Variants in ATXN1 observed in about 807,000 individuals in gnomAD.
ATXN1 encodes the protein ataxin 1, also known as ataxin-1.
A neutral mutation model predicts 56.4 loss-of-function variants in ATXN1; 8 were observed. That is an observed-to-expected ratio of 0.14 (90% confidence interval 0.08 to 0.26). The LOEUF (loss-of-function observed/expected upper bound fraction) is 0.26. ATXN1 is among the 10% of genes least tolerant of loss of function. ATXN1 has a pLI of 1.00. For synonymous variants in ATXN1, 514 were observed against 494.6 expected, an observed-to-expected ratio of 1.04 and a Z score of -0.52; for missense variants, 987 against 1,106.5, an observed-to-expected ratio of 0.89 and a Z score of 1.53.
At chr6:16,646,789 G>A (rs746542678) in intron 3 of ATXN1, among the ~76,000 whole-genome samples, 11 of 152,158 alleles carry the variant, frequency 7.2e-5, no homozygotes, top group East Asian at 1.9e-4. Flanking sequence ...GCATTGCTTC[G>A]CCTTCCCTAG....
chr6:16,702,429 C>T (rs370195020), intron 2 of ATXN1, among the ~76,000 whole-genome samples: 2 of 151,966 alleles, frequency 1.3e-5, no homozygotes, highest in South Asian at 2.1e-4. Context: ...GCATGGGCAA[C>T]GACTTCATGT....
chr6:16,389,197 C>T (rs750291202), intron 6 of ATXN1, among the ~76,000 whole-genome samples: 10 of 152,008 alleles, frequency 6.6e-5, no homozygotes, highest in Admixed American at 2.6e-4. Flanking sequence ...ATTAGCCGGG[C>T]GTGGTGGCAC....
intron 3 of ATXN1, among the ~76,000 whole-genome samples, chr6:16,627,752 A>G (rs1196776597): frequency 6.6e-6 from 1 of 152,112 alleles, no homozygotes; most frequent in Non-Finnish European, 1.5e-5. Context: ...ACAAAAAAAC[A>G]GGATCCTCTC....
intron 2 of ATXN1, among the ~76,000 whole-genome samples, chr6:16,741,929 T>C (rs1384393608): frequency 6.6e-6 from 1 of 152,198 alleles, no homozygotes; most frequent in East Asian, 1.9e-4. Context: ...AAAAAAAATA[T>C]AACTTGTTCC....
chr6:16,701,168 C>T (rs1171185156), intron 2 of ATXN1, among the ~76,000 whole-genome samples: 1 of 152,056 alleles, frequency 6.6e-6, no homozygotes, highest in South Asian at 2.1e-4. Flanking sequence ...AGAAACTACA[C>T]AAAGAAAGAG....
intron 4 of ATXN1, among the ~76,000 whole-genome samples, chr6:16,582,609 T>C (rs1179667202): frequency 6.6e-6 from 1 of 152,270 alleles, no homozygotes; most frequent in Admixed American, 6.5e-5. Flanking sequence ...AATGCAAAAA[T>C]GGTGTGGGCA....
At chr6:16,390,338 A>G (rs996411412) in intron 6 of ATXN1, among the ~76,000 whole-genome samples, 3 of 152,096 alleles carry the variant, frequency 2.0e-5, no homozygotes, top group African/African-American at 7.2e-5. Context: ...ATTACCCTCC[A>G]TGCCCTGCAT....
chr6:16,646,373 A>C (rs1213084162), intron 3 of ATXN1, among the ~76,000 whole-genome samples: 1 of 152,218 alleles, frequency 6.6e-6, no homozygotes. Context: ...CCATTTTCTC[A>C]TCTGTAAAAT....
chr6:16,442,857 C>A (rs1404480843), intron 6 of ATXN1, among the ~76,000 whole-genome samples: 1 of 152,020 alleles, frequency 6.6e-6, no homozygotes, highest in Non-Finnish European at 1.5e-5. Context: ...ACCAAAAATC[C>A]AAAAATTACC....
intron 4 of ATXN1, among the ~76,000 whole-genome samples, chr6:16,566,566 C>T (rs1309721205): frequency 1.3e-5 from 2 of 151,996 alleles, no homozygotes; most frequent in Non-Finnish European, 2.9e-5. Flanking sequence ...AACAAACAAA[C>T]AAACAGGCTG....
At chr6:16,362,022 C>T (rs953143965) in intron 6 of ATXN1, among the ~76,000 whole-genome samples, 5 of 152,194 alleles carry the variant, frequency 3.3e-5, no homozygotes, top group African/African-American at 7.2e-5. Flanking sequence ...CTGGGTCTGA[C>T]GTGTGGATGG....
At chr6:16,669,533 C>A (rs539223264) in intron 2 of ATXN1, among the ~76,000 whole-genome samples, 2 of 152,208 alleles carry the variant, frequency 1.3e-5, no homozygotes, top group African/African-American at 4.8e-5. Flanking sequence ...TTTTTCCATC[C>A]GGCAGACCCC....
At chr6:16,419,527 A>C (rs1758988731) in intron 6 of ATXN1, among the ~76,000 whole-genome samples, 1 of 152,122 alleles carries the variant, frequency 6.6e-6, no homozygotes, top group Admixed American at 6.5e-5. Flanking sequence ...ACAACCATGG[A>C]GTACTTTCCA....
intron 4 of ATXN1, among the ~76,000 whole-genome samples, chr6:16,540,417 G>A (rs1761691214): frequency 6.6e-6 from 1 of 152,030 alleles, no homozygotes; most frequent in South Asian, 2.1e-4. Flanking sequence ...TCACCATGTT[G>A]GCCAGGATGG....
chr6:16,730,801 G>A lies in ATXN1; in HGVS notation c.-615+22432C>T, dbSNP rs191081927. 3.9e-3 allele frequency among the ~76,000 whole-genome samples: 587 copies of A among 152,180 alleles called. 4 individuals are homozygous for A. Among genetic ancestry groups the A allele is most frequent in the African/African-American group, 0.013 (560 of 41,496 alleles). ...TTTCAAAAGCTAATTGAAGCATAAA[G>A]AAGTTAAACATGATTTATTCCAGGT... On this transcript the variant is annotated intron_variant, in intron 2 of 7. Coordinates refer to ENST00000436367, the MANE Select transcript of ATXN1 (RefSeq NM_001128164.2).
At chr6:16,412,694 G>T (rs902953845) in intron 6 of ATXN1, among the ~76,000 whole-genome samples, 1 of 151,960 alleles carries the variant, frequency 6.6e-6, no homozygotes, top group Non-Finnish European at 1.5e-5. Flanking sequence ...AAATTTGAAG[G>T]GTACGCAAAA....
At chr6:16,307,467 A>C (rs573268753) in intron 7 of ATXN1, among the ~76,000 whole-genome samples, 5 of 151,714 alleles carry the variant, frequency 3.3e-5, no homozygotes, top group Non-Finnish European at 7.4e-5. Flanking sequence ...TCAGGAGTTC[A>C]AGACCAGCCT....
At chr6:16,487,120 T>C (rs1167787569) in intron 5 of ATXN1, among the ~76,000 whole-genome samples, 1 of 152,230 alleles carries the variant, frequency 6.6e-6, no homozygotes, top group South Asian at 2.1e-4. Flanking sequence ...CCTTGTATAC[T>C]TTTGAGAAGC....
At chr6:16,521,690 G>T (rs1221341521) in intron 5 of ATXN1, among the ~76,000 whole-genome samples, 1 of 152,264 alleles carries the variant, frequency 6.6e-6, no homozygotes, top group Non-Finnish European at 1.5e-5. Flanking sequence ...CGAGTCGGGT[G>T]TGTGGGTCTG....
Sources: allele counts gnomAD v4.1 joint callset (sites outside exome capture counted in the v4.1 genomes callset), GRCh38; gene constraint gnomAD v4.1.1; transcripts MANE v1.5; gene names NCBI Gene and HGNC (gene_info 2026-07-23, HGNC 2026-07-21).